Variants in MSR1 observed in about 807,000 individuals in gnomAD.
MSR1 encodes the protein macrophage scavenger receptor 1.
In MSR1, 53 loss-of-function variants were observed where a neutral mutation model predicts 47.2. The ratio of observed to expected loss-of-function variants is 1.12; its 90% CI spans 0.90 to 1.41. The LOEUF (loss-of-function observed/expected upper bound fraction) is 1.41, where lower values mean the gene tolerates loss of function less well. Ranked by LOEUF, MSR1 falls within the 40% of genes most tolerant of loss-of-function variation. The probability of loss-of-function intolerance (pLI) is 0.00; values close to 1 mark genes in which losing one functional copy is unlikely to be tolerated. For synonymous variants in MSR1, 239 were observed against 185.6 expected, an observed-to-expected ratio of 1.29 and a Z score of -2.34; for missense variants, 786 against 546.9, an observed-to-expected ratio of 1.44 and a Z score of -4.36.
intron 8 of MSR1, among the ~76,000 whole-genome samples, chr8:16,125,897 G>A (rs1800117745): frequency 6.6e-6 from 1 of 152,006 alleles, no homozygotes; most frequent in African/African-American, 2.4e-5. Context: ...CTCCCAAGGT[G>A]ATGTGATTAC....
At chr8:16,148,310 A>T (rs1800755102) in intron 7 of MSR1, among the ~76,000 whole-genome samples, 1 of 152,096 alleles carries the variant, frequency 6.6e-6, no homozygotes, top group Non-Finnish European at 1.5e-5. Context: ...ACCCCTCATC[A>T]AGTTGTGTGA....
At position 16,173,022 on chromosome 8, in the gene MSR1, A is replaced by G. The variant is rs534760122; in HGVS notation, c.217+2165T>C. 2.6e-5 allele frequency among the ~76,000 whole-genome samples: 4 copies of G among 152,340 alleles called. No homozygotes were observed. In the South Asian group the frequency reaches 8.3e-4, roughly 32 times the overall value. ...TAATTAAAGTTGTAAGTGGATTGTG[A>G]ATTGTTTATTGTTAATACATAATAA... is the stretch of plus-strand genomic sequence containing the variant. On this transcript the variant is annotated intron_variant, in intron 3 of 9. Coordinates refer to ENST00000262101, the MANE Select transcript of MSR1 (RefSeq NM_138715.3).
chr8:16,175,509 T>C (rs1228882030), intron 2 of MSR1, among the ~76,000 whole-genome samples: 1 of 152,226 alleles, frequency 6.6e-6, no homozygotes, highest in Non-Finnish European at 1.5e-5. Flanking sequence ...GACTGACTTA[T>C]CCACTCACTA....
At chr8:16,189,081 T>C (rs950936342) in intron 1 of MSR1, among the ~76,000 whole-genome samples, 8 of 146,112 alleles carry the variant, frequency 5.5e-5, no homozygotes, top group African/African-American at 9.9e-5. Flanking sequence ...ATATATTTCA[T>C]ATATACGCAA....
At chr8:16,158,548 C>G (rs1403984730) in intron 5 of MSR1, among the ~76,000 whole-genome samples, 1 of 151,940 alleles carries the variant, frequency 6.6e-6, no homozygotes, top group Non-Finnish European at 1.5e-5. Context: ...ATCTTCTACT[C>G]CGTTTTCAAT....
intron 1 of MSR1, chr8:16,186,158 C>T (rs435815): frequency 0.17 from 263,800 of 1,527,118 alleles, 33,929 homozygotes; most frequent in East Asian, 0.55. Flanking sequence ...TTCATGCTCA[C>T]GGTTTTTTGT....
chr8:16,116,095 G>T (rs1799871130), intron 9 of MSR1, among the ~76,000 whole-genome samples: 1 of 152,188 alleles, frequency 6.6e-6, no homozygotes, highest in South Asian at 2.1e-4. Context: ...CTTTCAAAGA[G>T]AATAGCAAAT....
At chr8:16,123,604 G>GTGTGTC (rs398067617) in intron 8 of MSR1, among the ~76,000 whole-genome samples, 4,829 of 144,400 alleles carry the variant, frequency 0.033, 162 homozygotes, top group East Asian at 0.13. Flanking sequence ...GTGTGTGTGT[G>GTGTGTC]TCTGGATAGC....
At chr8:16,145,422 G>T (rs1412053480) in intron 7 of MSR1, among the ~76,000 whole-genome samples, 1 of 152,042 alleles carries the variant, frequency 6.6e-6, no homozygotes, top group Non-Finnish European at 1.5e-5. Context: ...TCATAAAAGA[G>T]AACATAATAA....
intron 8 of MSR1, chr8:16,121,157 T>A (rs1303503875): frequency 4.6e-6 from 2 of 437,520 alleles, no homozygotes; most frequent in Non-Finnish European, 9.1e-6. Flanking sequence ...GCAAAGACTT[T>A]CCTTGTTGTG....
chr8:16,186,367 T>C, intron 1 of MSR1: 1 of 621,210 alleles, frequency 1.6e-6, no homozygotes, highest in Non-Finnish European at 2.8e-6. Flanking sequence ...TCTAGAAGGC[T>C]GATGACTCTT....
chr8:16,132,465 T>A lies in MSR1; in HGVS notation c.1033+11093A>T, dbSNP rs560254454. 6.5e-4 allele frequency among the ~76,000 whole-genome samples: 99 copies of A among 152,200 alleles called. 1 individual carries two copies. Among genetic ancestry groups the A allele is most frequent in the African/African-American group, 2.3e-3 (94 of 41,560 alleles). ...AGTTTGACTTTTTCTCTTTCTATTT[T>A]GATACTGTGTATTTCTTTTTTTGTT... On this transcript the variant is annotated intron_variant, in intron 8 of 9. Transcript: ENST00000262101.
At chr8:16,154,968 G>C in intron 6 of MSR1, 96 bp downstream of exon 6, 1 of 1,001,992 alleles carries the variant, frequency 1.0e-6, no homozygotes. Flanking sequence ...ATCCTCTGCA[G>C]GATATAAATA....
intron 1 of MSR1, among the ~76,000 whole-genome samples, chr8:16,179,690 G>A (rs913469506): frequency 6.6e-6 from 1 of 151,694 alleles, no homozygotes; most frequent in African/African-American, 2.4e-5. Context: ...GACCAGCCTG[G>A]CCAACATGGT....
intron 8 of MSR1, chr8:16,140,091 T>TTAATGAC (rs1800513087): frequency 5.0e-6 from 4 of 803,728 alleles, no homozygotes; most frequent in Non-Finnish European, 5.8e-6. Context: ...GAATTAATGA[T>TTAATGAC]TGAATGAATG....
At chr8:16,118,664 G>A (rs1799930682) in intron 9 of MSR1, among the ~76,000 whole-genome samples, 1 of 151,900 alleles carries the variant, frequency 6.6e-6, no homozygotes, top group African/African-American at 2.4e-5. Context: ...GGTGACAGAG[G>A]GAGATCTGTC....
intron 1 of MSR1, among the ~76,000 whole-genome samples, chr8:16,179,869 C>T (rs932181879): frequency 7.7e-6 from 1 of 130,466 alleles, no homozygotes; most frequent in African/African-American, 3.0e-5. Context: ...AAGAGTGAAA[C>T]CCTGTGTCTC....
chr8:16,171,085 G>A (rs964767258), intron 3 of MSR1, among the ~76,000 whole-genome samples: 5 of 151,936 alleles, frequency 3.3e-5, no homozygotes, highest in Admixed American at 2.0e-4. Context: ...TTAGCCAGGC[G>A]TGGTGGTGGG....
rs373563441 is a variant in MSR1, at chr8:16,139,983, G to A, written c.1033+3575C>T. The A allele has an allele frequency of 2.2e-5, 11 of 505,738 alleles. No individual in the cohort carries two copies. The African/African-American group carries it at 2.3e-4, about 11-fold the overall frequency. The allele number at this position is 505,738 out of a possible 1,614,324, so 31.3% of individuals were successfully genotyped here. ...ATGTATTGTAATTGCTTGTTCATTT[G>A]TCTACATCTCTTAGGGACAATTAGC... is the stretch of plus-strand genomic sequence containing the variant. On this transcript the variant is annotated intron_variant, in intron 8 of 9. Coordinates refer to ENST00000262101, the MANE Select transcript of MSR1 (RefSeq NM_138715.3).
Sources: allele counts gnomAD v4.1 joint callset (sites outside exome capture counted in the v4.1 genomes callset), GRCh38; gene constraint gnomAD v4.1.1; transcripts MANE v1.5; gene names NCBI Gene and HGNC (gene_info 2026-07-23, HGNC 2026-07-21).